DLG3: variants seen among roughly 807,000 people sequenced by gnomAD.
DLG3 encodes discs large MAGUK scaffold protein 3.
In DLG3, 1 loss-of-function variant was observed where a neutral mutation model predicts 64.1. That is an observed-to-expected ratio of 0.02 (90% CI 0.01 to 0.07). The LOEUF (loss-of-function observed/expected upper bound fraction) is 0.07, where lower values mean the gene tolerates loss of function less well. Among genes scored for constraint, DLG3 ranks in the 10% least tolerant of loss-of-function variants. The pLI is 1.00. For synonymous variants in DLG3, 245 were observed against 259.8 expected (o/e 0.94, Z 0.55); for missense variants, 429 against 669.5 (o/e 0.64, Z 3.96).
At chrX:70,448,529 T>C in intron 1 of DLG3, 2 of 1,081,007 alleles carry the variant, frequency 1.9e-6, no homozygotes, top group Non-Finnish European at 2.5e-6. Flanking sequence ...CTATGGACAC[T>C]GGGTGTGGCA....
chrX:70,466,003 TA>T (rs2086878221), intron 9 of DLG3, among the ~76,000 whole-genome samples: 1 of 111,434 alleles, frequency 9.0e-6, no homozygotes, highest in Non-Finnish European at 1.9e-5. Context: ...AAGGTGGAAT[TA>T]ATTGGATCAA....
chrX:70,491,967 G>A, intron 10 of DLG3, 140 bp from the exon 11 acceptor site: 2 of 591,333 alleles, frequency 3.4e-6, no homozygotes, highest in East Asian at 7.2e-5. Context: ...AGAAGGATGT[G>A]GTCTCCTGGA....
intron 10 of DLG3, among the ~76,000 whole-genome samples, chrX:70,482,057 T>C (rs771458396): frequency 1.8e-5 from 2 of 112,204 alleles, no homozygotes; most frequent in African/African-American, 3.2e-5. Flanking sequence ...CTAAGTTAAT[T>C]GCCTCACCCT....
In DLG3 at chrX:70,482,662, G is replaced by GTTTTTT. The variant is rs774419870; in HGVS notation, c.1520+3416_1520+3421dup. Reference sequence around the variant, plus strand: ...AGGTTTGGGAAAATACATGTGTGGTGTTTTTTTTTTTTTTTTTTTTTTTGA... The same window carrying GTTTTTT: ...AGGTTTGGGAAAATACATGTGTGGTGTTTTTTTTTTTTTTTTTTTTTTTTTTTTTGA... On this transcript the variant is annotated intron_variant, in intron 10 of 18. Transcript: ENST00000374360. Among the ~76,000 whole-genome samples the GTTTTTT allele has an allele frequency of 1.8e-3, 120 of 66,054 alleles. 7 individuals carry two copies. The highest frequency in any genetic ancestry group is 6.9e-3 in the African/African-American group (114 of 16,470). The allele number at this position is 66,054 out of a possible 115,157, so 57.4% of individuals were successfully genotyped here.
At chrX:70,499,462 C>T (rs1173818413) in intron 15 of DLG3, among the ~76,000 whole-genome samples, 185 bp downstream of exon 15, 1 of 111,835 alleles carries the variant, frequency 8.9e-6, no homozygotes, top group Non-Finnish European at 1.9e-5. Flanking sequence ...AGAGATTAAG[C>T]CATCAGGCTT....
intron 7 of DLG3, chrX:70,452,319 G>T: frequency 9.8e-7 from 1 of 1,024,426 alleles, no homozygotes; most frequent in East Asian, 3.7e-5. Context: ...CTGAGGAGGC[G>T]AGGGCAGCGG....
At chrX:70,445,599 AG>A (rs2086558310) in intron 1 of DLG3, 41 bp downstream of exon 1, 4 of 1,127,233 alleles carry the variant, frequency 3.5e-6, no homozygotes, top group Non-Finnish European at 4.8e-6. Context: ...GCAACCCAGG[AG>A]GGCTGGAGAG....
chrX:70,475,308 A>T (rs2087034907), intron 9 of DLG3, among the ~76,000 whole-genome samples: 1 of 112,490 alleles, frequency 8.9e-6, no homozygotes, highest in Admixed American at 9.4e-5. Flanking sequence ...ATAGTATGGA[A>T]TCCTATGCAG....
At chrX:70,470,109 C>T (rs1469612478) in intron 9 of DLG3, among the ~76,000 whole-genome samples, 1 of 112,404 alleles carries the variant, frequency 8.9e-6, no homozygotes, top group African/African-American at 3.2e-5. Context: ...AACTCAAGGT[C>T]AAGAAGATAC....
intron 9 of DLG3, among the ~76,000 whole-genome samples, chrX:70,472,567 A>AG (rs1239004939): frequency 9.0e-6 from 1 of 111,028 alleles, no homozygotes; most frequent in East Asian, 2.8e-4. Flanking sequence ...GAAAAGAAAA[A>AG]GAAAAAAAAA....
Position 70,452,749 on chromosome X carries a change from A to G in DLG3, c.1145+723A>G. 3 of 1,185,180 alleles carry G rather than the reference A, an allele frequency of 2.5e-6. No homozygotes were observed. In the South Asian group the frequency reaches 5.8e-5, roughly 23 times the overall value. On this transcript the variant is annotated intron_variant, in intron 7 of 18. Transcript: ENST00000374360. Reference sequence around the variant, plus strand: ...CTCCGCTCCCTGCGGCCCGGAGGGGATGCCAGGTAGGAGTGGAGGGCTAGG... The same window carrying G: ...CTCCGCTCCCTGCGGCCCGGAGGGGGTGCCAGGTAGGAGTGGAGGGCTAGG...
At position 70,500,537 on chromosome X, in the gene DLG3, C is replaced by T. The variant is rs553913083; in HGVS notation, c.2212C>T (p.Pro738Ser). Residue 738 changes from proline to serine, a missense_variant, in exon 17 of 19, where the codon CCC becomes TCC. This residue lies in a region of DLG3 where 48 missense variants were observed against 69.5 expected (regional missense o/e 0.69). Coordinates refer to ENST00000374360, the MANE Select transcript of DLG3 (RefSeq NM_021120.4). ...IKRLQQAQLY[P>S]IAIFIKPKSI... The stretch of plus-strand genomic sequence containing the variant: ...GAGACTGCAGCAAGCACAACTTTAC[C>T]CCATTGCCATTTTCATCAAGCCCAA... 7.7e-5 allele frequency: 93 copies of T among 1,208,572 alleles called. No individual in the cohort carries two copies. In the South Asian group the frequency reaches 1.6e-3, roughly 20 times the overall value.
At chrX:70,467,458 T>C (rs1203822961) in intron 9 of DLG3, among the ~76,000 whole-genome samples, 3 of 112,204 alleles carry the variant, frequency 2.7e-5, no homozygotes, top group African/African-American at 9.7e-5. Context: ...AAAATGACCA[T>C]AGGTGTTTTG....
At chrX:70,484,359 A>T (rs2087217566) in intron 10 of DLG3, among the ~76,000 whole-genome samples, 1 of 111,909 alleles carries the variant, frequency 8.9e-6, no homozygotes, top group Non-Finnish European at 1.9e-5. Context: ...TCATTAAAGA[A>T]GGCTGGAGAA....
At chrX:70,501,413 C>CTGTCTGTCTGTGTGTG (rs1421730747) in intron 18 of DLG3, among the ~76,000 whole-genome samples, 2 of 93,884 alleles carry the variant, frequency 2.1e-5, no homozygotes, top group Non-Finnish European at 4.2e-5. Context: ...GTCTGTCTGT[C>CTGTCTGTCTGTGTGTG]TGTGTGTGTG....
In DLG3 at chrX:70,451,922, C is replaced by A. The variant is rs150406045; in HGVS notation, c.1041C>A (p.Leu347=). 1.7e-6 allele frequency: 2 copies of A among 1,209,463 alleles called. No homozygotes were observed. The highest frequency in any genetic ancestry group is 3.5e-5 in the African/African-American group (2 of 57,031). Residue 347 remains leucine (L), a synonymous_variant, in exon 7 of 19, where the codon CTC becomes CTA. Transcript: ENST00000374360. ...HISHNSSLGY[L]GAVESKVSYP... is the part of the protein sequence containing the mutation. The stretch of plus-strand genomic sequence containing the variant: ...GCCATAATTCCAGCCTGGGTTATCT[C>A]GGGGCTGTGGAGAGCAAGGTCAGCT...
chrX:70,500,793 C>T, intron 17 of DLG3, 105 bp from the exon 18 acceptor site: 2 of 845,070 alleles, frequency 2.4e-6, no homozygotes, highest in Non-Finnish European at 3.5e-6. Context: ...CACTGCTGCT[C>T]TGAGAGGGCA....
At position 70,500,940 on chromosome X, in the gene DLG3, C is replaced by A. The variant is rs143215760; in HGVS notation, c.2298C>A (p.Ile766=). Residue 766 remains isoleucine (I), a synonymous_variant, in exon 18 of 19, where the codon ATC becomes ATA. Transcript: ENST00000374360. ...AGACATATGAACAAGCAAATAAGAT[C>A]TATGACAAAGCCATGAAACTGGAGC... ...RRQTYEQANK[I]YDKAMKLEQE... 5.8e-4 allele frequency: 699 copies of A among 1,201,978 alleles called. 4 individuals carry two copies. The African/African-American group carries it at 0.01, about 18-fold the overall frequency.
In DLG3 at chrX:70,504,544, T is replaced by G. The variant is rs1367459292; in HGVS notation, c.*2275T>G. ...CCCTGGGGTGGTGACAGGCCCTTTG[T>G]GAAAGTTGTGTGCTTGGTCTTCCAC... On this transcript the variant is annotated 3_prime_UTR_variant, in exon 19 of 19. Coordinates refer to ENST00000374360, the MANE Select transcript of DLG3 (RefSeq NM_021120.4). 1.8e-5 allele frequency: 2 copies of G among 111,119 alleles called. No homozygotes were observed. The highest frequency in any genetic ancestry group is 9.5e-5 in the Admixed American group (1 of 10,486). The allele number at this position is 111,119 out of a possible 1,213,427, so 9.2% of individuals were successfully genotyped here.
Sources: allele counts gnomAD v4.1 joint callset (sites outside exome capture counted in the v4.1 genomes callset), GRCh38; gene constraint gnomAD v4.1.1; regional missense constraint gnomAD v4.1.1; transcripts MANE v1.5; gene names NCBI Gene and HGNC (gene_info 2026-07-23, HGNC 2026-07-21).